Variants in CNST observed in about 807,000 individuals in gnomAD.
CNST encodes consortin.
A neutral mutation model predicts 72.4 loss-of-function variants in CNST; 39 were observed. The ratio of observed to expected loss-of-function variants is 0.54; its 90% CI spans 0.42 to 0.70. The LOEUF (loss-of-function observed/expected upper bound fraction) is 0.70, where lower values mean the gene tolerates loss of function less well. CNST is among the 30% of genes least tolerant of loss of function. The pLI is 0.00. For synonymous variants in CNST, 332 were observed against 320.1 expected (o/e 1.04, Z -0.40); for missense variants, 871 against 868.5 (o/e 1.00, Z -0.04).
At chr1:246,609,303 C>T (rs1005948279) in intron 2 of CNST, among the ~76,000 whole-genome samples, 7 of 152,212 alleles carry the variant, frequency 4.6e-5, no homozygotes, top group African/African-American at 1.4e-4. Flanking sequence ...TGGCCAGGCA[C>T]GGCAGCTCAC....
intron 2 of CNST, among the ~76,000 whole-genome samples, chr1:246,615,239 G>A (rs933765191): frequency 1.3e-5 from 2 of 152,070 alleles, no homozygotes; most frequent in Admixed American, 6.5e-5. Flanking sequence ...GCAGTGGCGC[G>A]ATCTCGGCTC....
At chr1:246,577,971 G>T (rs879260158) in intron 1 of CNST, among the ~76,000 whole-genome samples, 5 of 151,094 alleles carry the variant, frequency 3.3e-5, no homozygotes, top group Non-Finnish European at 5.9e-5. Flanking sequence ...AATACTTGTG[G>T]TTTTTTTGTT....
intron 10 of CNST, among the ~76,000 whole-genome samples, chr1:246,664,496 A>G (rs570919141): frequency 5.6e-4 from 85 of 150,676 alleles, no homozygotes; most frequent in Admixed American, 4.3e-3. Flanking sequence ...GTGTGATCTC[A>G]GCTCACTGCA....
chr1:246,582,135 T>C (rs1443735522), intron 1 of CNST, among the ~76,000 whole-genome samples: 1 of 152,194 alleles, frequency 6.6e-6, no homozygotes, highest in African/African-American at 2.4e-5. Context: ...CTAAGAGTTA[T>C]CAGATTTACT....
chr1:246,647,856 T>C lies in CNST; in HGVS notation c.1655T>C (p.Leu552Ser), dbSNP rs1477882625. The C allele has an allele frequency of 1.2e-6, 2 of 1,614,056 alleles. No individual in the cohort carries two copies. The highest frequency in any genetic ancestry group is 1.7e-6 in the Non-Finnish European group (2 of 1,180,046). The stretch of plus-strand genomic sequence containing the variant: ...ACAGAAGACTATTTGAACAGCCTTT[T>C]AGAAGGATGTTTAAAAGATACTGAA... ...KETEDYLNSLLEGCLKDTEDS... is the reference protein window; with the variant it reads ...KETEDYLNSLSEGCLKDTEDS... The change falls in exon 9 of 11, where the codon TTA (leucine) becomes TCA (serine). Residue 552 changes from leucine to serine, a missense_variant. Leu to Ser is a moderately radical substitution (Grantham distance 145). Coordinates refer to ENST00000366513, the MANE Select transcript of CNST (RefSeq NM_152609.3).
Position 246,566,491 on chromosome 1 carries a change from G to C in CNST, c.-224G>C. ...GCCGCCAGCCTCCAGCCGGCCAGCC[G>C]CGAGGGGTGCGCAGAGGGAGGCGGG... On this transcript the variant is annotated 5_prime_UTR_variant, in exon 1 of 11. Coordinates refer to ENST00000366513, the MANE Select transcript of CNST (RefSeq NM_152609.3). The C allele has an allele frequency of 2.3e-6, 1 of 443,372 alleles. No homozygotes were observed. The highest frequency in any genetic ancestry group is 4.0e-6 in the Non-Finnish European group (1 of 249,264). 27.5% of individuals were successfully genotyped at this position (443,372 alleles called of 1,614,324 possible).
intron 2 of CNST, among the ~76,000 whole-genome samples, chr1:246,599,366 G>C (rs2103036189): frequency 6.6e-6 from 1 of 152,302 alleles, no homozygotes; most frequent in Middle Eastern, 3.4e-3. Flanking sequence ...GCAGGGCTGT[G>C]TCCCTTTCTG....
chr1:246,580,629 GTATCTCTTTACTCCCT>G (rs1483065720), intron 1 of CNST, among the ~76,000 whole-genome samples: 1 of 152,070 alleles, frequency 6.6e-6, no homozygotes, highest in Non-Finnish European at 1.5e-5. Context: ...CAAAAAGGAG[GTATCTCTTTACTCCCT>G]TCTGTATTGC....
chr1:246,651,811 A>C (rs1208061727), intron 9 of CNST, among the ~76,000 whole-genome samples: 1 of 152,208 alleles, frequency 6.6e-6, no homozygotes, highest in Non-Finnish European at 1.5e-5. Flanking sequence ...AAAGCATCAA[A>C]AATTTTATCC....
At chr1:246,640,346 G>A (rs1665604558) in intron 6 of CNST, among the ~76,000 whole-genome samples, 1 of 152,152 alleles carries the variant, frequency 6.6e-6, no homozygotes, top group South Asian at 2.1e-4. Context: ...GTAGTCTGAT[G>A]CTAGAAAGCA....
chr1:246,630,109 G>A (rs898873776), intron 3 of CNST, among the ~76,000 whole-genome samples: 1 of 152,182 alleles, frequency 6.6e-6, no homozygotes, highest in Non-Finnish European at 1.5e-5. Context: ...ACTGACATAT[G>A]AGAACCATGT....
At chr1:246,577,320 A>G (rs761894092) in intron 1 of CNST, among the ~76,000 whole-genome samples, 1 of 151,956 alleles carries the variant, frequency 6.6e-6, no homozygotes, top group Non-Finnish European at 1.5e-5. Context: ...CACTCCCTTT[A>G]TAGCCTCTTC....
chr1:246,603,766 C>T (rs574250897), intron 2 of CNST, among the ~76,000 whole-genome samples: 12 of 152,166 alleles, frequency 7.9e-5, no homozygotes, highest in African/African-American at 2.6e-4. Flanking sequence ...CTGCCTAGAG[C>T]TAGGGAGGCA....
rs749323606 is a variant in CNST, at chr1:246,621,434, T to C, written c.385T>C (p.Phe129Leu). The change falls in exon 3 of 11, where the codon TTT (phenylalanine) becomes CTT (leucine). Residue 129 changes from phenylalanine (F) to leucine (L), a missense_variant. By Grantham distance (22) the Phe-to-Leu change is conservative. Transcript: ENST00000366513. The part of the protein sequence containing the change: ...GTAKKIPPGL[F>L]SGDIAPLMQE... ...ATTTTCTTTACTTCTTAAAGGACTT[T>C]TTTCAGGAGATATTGCACCTTTAAT... 7 of 1,612,550 alleles carry C rather than the reference T, an allele frequency of 4.3e-6. No homozygotes were observed. In the African/African-American group the frequency reaches 8.0e-5, roughly 18 times the overall value.
At chr1:246,623,091 A>G (rs1472923659) in intron 3 of CNST, among the ~76,000 whole-genome samples, 3 of 152,204 alleles carry the variant, frequency 2.0e-5, no homozygotes, top group Non-Finnish European at 4.4e-5. Flanking sequence ...CCAAAGTGCT[A>G]GGATTAACAG....
intron 1 of CNST, among the ~76,000 whole-genome samples, chr1:246,580,373 T>C (rs1246632277): frequency 6.6e-6 from 1 of 152,174 alleles, no homozygotes; most frequent in Non-Finnish European, 1.5e-5. Flanking sequence ...CTAAAAATAA[T>C]CCCTAATCAT....
chr1:246,668,474 A>AG lies in CNST; in HGVS notation c.*2571dup, dbSNP rs1667470864. 6.6e-6 allele frequency: 1 copy of AG among 152,226 alleles called. No homozygotes were observed. The highest frequency in any genetic ancestry group is 2.4e-5 in the African/African-American group (1 of 41,456). 9.4% of individuals were successfully genotyped at this position (152,226 alleles called of 1,614,324 possible). A position where few individuals can be genotyped will look rare whatever the true frequency, so the allele number is the denominator to read the frequency against. ...ACTTTGGGAAGACTAATAGGTCCTT[A>AG]GGTAACGGCTCTTCTGCTTTAAAAT... On this transcript the variant is annotated 3_prime_UTR_variant, in exon 11 of 11. Transcript: ENST00000366513.
rs755255921 is a variant in CNST, at chr1:246,647,420, G to T, written c.1219G>T (p.Ala407Ser). 42 of 1,614,058 alleles carry T rather than the reference G, an allele frequency of 2.6e-5. No homozygotes were observed. Among genetic ancestry groups the T allele is most frequent in the Non-Finnish European group, 3.4e-5 (40 of 1,180,052 alleles). ...TCGCTTGCAGCTGGCTCAAACAGAG[G>T]CCTGCCAGGATGTGGCCAGAATAGA... ...DSRLQLAQTE[A>S]CQDVARIEGI... Residue 407 changes from alanine (A) to serine (S), a missense_variant, in exon 9 of 11, where the codon GCC becomes TCC. Coordinates refer to ENST00000366513, the MANE Select transcript of CNST (RefSeq NM_152609.3).
intron 1 of CNST, among the ~76,000 whole-genome samples, chr1:246,572,548 A>G (rs1471910918): frequency 6.6e-6 from 1 of 151,876 alleles, no homozygotes; most frequent in Non-Finnish European, 1.5e-5. Flanking sequence ...ATGAGATCTC[A>G]CTGTTTTGCC....
Sources: allele counts gnomAD v4.1 joint callset (sites outside exome capture counted in the v4.1 genomes callset), GRCh38; gene constraint gnomAD v4.1.1; transcripts MANE v1.5; gene names NCBI Gene and HGNC (gene_info 2026-07-23, HGNC 2026-07-21).